TNKS: variants seen among roughly 807,000 people sequenced by gnomAD.
The protein encoded by TNKS is poly [ADP-ribose] polymerase tankyrase-1.
TNKS carries 72 observed loss-of-function variants against 135.8 expected under a neutral mutation model. That is an observed-to-expected ratio of 0.53 (90% CI 0.44 to 0.64). TNKS has a LOEUF of 0.64. Ranked by LOEUF, TNKS falls within the 30% of genes least tolerant of loss-of-function variation. TNKS has a pLI of 0.00. For missense variants in TNKS, 1,769 were observed against 1,674.0 expected, an observed-to-expected ratio of 1.06 and a Z score of -0.99; for synonymous variants, 849 against 649.3, an observed-to-expected ratio of 1.31 and a Z score of -4.68.
chr8:9,776,842 G>C lies in TNKS; in HGVS notation c.*106G>C. Reference sequence around the variant, plus strand: ...TATTCTAGAAGTCCCTGACAGCCTAGAAATAAGCTGTTTGTCTTCTATAAA... The same window carrying C: ...TATTCTAGAAGTCCCTGACAGCCTACAAATAAGCTGTTTGTCTTCTATAAA... On this transcript the variant is annotated 3_prime_UTR_variant, in exon 27 of 27. Coordinates refer to ENST00000310430, the MANE Select transcript of TNKS (RefSeq NM_003747.3). 1 of 1,074,930 alleles carries C rather than the reference G, an allele frequency of 9.3e-7. No individual in the cohort carries two copies. The highest frequency in any genetic ancestry group is 2.5e-5 in the East Asian group (1 of 39,986). The allele number at this position is 1,074,930 out of a possible 1,614,324, so 66.6% of individuals were successfully genotyped here.
chr8:9,575,335 TCGGCC>T, intron 1 of TNKS: 1 of 937,824 alleles, frequency 1.1e-6, no homozygotes, highest in Non-Finnish European at 1.3e-6. Flanking sequence ...TCCGCCTGCT[TCGGCC>T]TCCCTAAATT....
At chr8:9,719,141 A>G (rs1023890336) in intron 11 of TNKS, among the ~76,000 whole-genome samples, 5 of 152,180 alleles carry the variant, frequency 3.3e-5, no homozygotes, top group Non-Finnish European at 5.9e-5. Context: ...TCTTCTGGCA[A>G]ATGTGATAGA....
At chr8:9,718,086 A>T (rs1362141651) in intron 11 of TNKS, among the ~76,000 whole-genome samples, 1 of 152,156 alleles carries the variant, frequency 6.6e-6, no homozygotes, top group East Asian at 1.9e-4. Flanking sequence ...TGTATTGTCA[A>T]TTGGAGAGTT....
chr8:9,714,161 C>A (rs1804475406), intron 11 of TNKS, among the ~76,000 whole-genome samples: 1 of 152,138 alleles, frequency 6.6e-6, no homozygotes, highest in African/African-American at 2.4e-5. Flanking sequence ...GTAATACATA[C>A]AAACTTGAGG....
At chr8:9,647,343 T>C (rs977476517) in intron 3 of TNKS, among the ~76,000 whole-genome samples, 1 of 152,214 alleles carries the variant, frequency 6.6e-6, no homozygotes, top group Non-Finnish European at 1.5e-5. Context: ...CCTTTTTGTT[T>C]AGTTTGTTCA....
chr8:9,682,211 T>C (rs938801556), intron 5 of TNKS, among the ~76,000 whole-genome samples: 3 of 152,090 alleles, frequency 2.0e-5, no homozygotes, highest in Non-Finnish European at 4.4e-5. Context: ...ATGCAGCTGT[T>C]TTTTAGACAG....
intron 25 of TNKS, among the ~76,000 whole-genome samples, chr8:9,768,023 T>G (rs182616072): frequency 1.8e-3 from 268 of 151,888 alleles, no homozygotes; most frequent in African/African-American, 6.0e-3. Flanking sequence ...AAAGTATTTT[T>G]GGGTTTTTTT....
intron 3 of TNKS, among the ~76,000 whole-genome samples, chr8:9,617,205 T>C (rs1210723058): frequency 1.3e-5 from 2 of 152,216 alleles, no homozygotes; most frequent in South Asian, 2.1e-4. Context: ...GGAGATTATA[T>C]TGGATGTTGT....
At chr8:9,652,314 G>C (rs1344993638) in intron 3 of TNKS, among the ~76,000 whole-genome samples, 1 of 152,150 alleles carries the variant, frequency 6.6e-6, no homozygotes, top group Non-Finnish European at 1.5e-5. Flanking sequence ...TTTTGGTATA[G>C]AGGAGAAAGG....
At chr8:9,655,242 C>G (rs796460082) in intron 3 of TNKS, among the ~76,000 whole-genome samples, 1 of 152,180 alleles carries the variant, frequency 6.6e-6, no homozygotes, top group Admixed American at 6.5e-5. Flanking sequence ...CAAAGCAGCC[C>G]GGAAACTCGA....
intron 3 of TNKS, among the ~76,000 whole-genome samples, chr8:9,663,959 C>A (rs911157643): frequency 6.6e-6 from 1 of 152,124 alleles, no homozygotes; most frequent in Admixed American, 6.5e-5. Context: ...CATTCCCTCC[C>A]TGGAGATCAG....
chr8:9,630,732 C>T (rs1310811865), intron 3 of TNKS, among the ~76,000 whole-genome samples: 1 of 152,192 alleles, frequency 6.6e-6, no homozygotes, highest in African/African-American at 2.4e-5. Flanking sequence ...TTGCAGACTG[C>T]ATTCAGAATT....
chr8:9,597,231 T>C (rs1798822454), intron 2 of TNKS, among the ~76,000 whole-genome samples: 1 of 152,228 alleles, frequency 6.6e-6, no homozygotes, highest in Admixed American at 6.5e-5. Context: ...CATAAAATTT[T>C]TATGGGAAGT....
chr8:9,710,634 C>G (rs562414902), intron 11 of TNKS, among the ~76,000 whole-genome samples: 1 of 152,150 alleles, frequency 6.6e-6, no homozygotes, highest in Non-Finnish European at 1.5e-5. Context: ...CAGTGGCTCA[C>G]GCCTGTAATC....
chr8:9,634,764 C>G lies in TNKS; in HGVS notation c.994+19087C>G, dbSNP rs1800442456. 2.0e-5 allele frequency among the ~76,000 whole-genome samples: 3 copies of G among 152,234 alleles called. 1 individual carries two copies. The highest frequency in any genetic ancestry group is 3.9e-4 in the East Asian group (2 of 5,176). ...AGTGGAGCACACCTGCTTCCAAGAG[C>G]TTGGTTTCTACATGCCGTTTATTAA... On this transcript the variant is annotated intron_variant, in intron 3 of 26. Transcript: ENST00000310430.
intron 3 of TNKS, among the ~76,000 whole-genome samples, chr8:9,632,678 CT>C (rs1800338687): frequency 6.6e-6 from 1 of 152,118 alleles, no homozygotes; most frequent in African/African-American, 2.4e-5. Flanking sequence ...GAAACATTTG[CT>C]TGTTTTCTTT....
chr8:9,605,130 C>T (rs931967961), intron 2 of TNKS, among the ~76,000 whole-genome samples: 1 of 152,024 alleles, frequency 6.6e-6, no homozygotes, highest in African/African-American at 2.4e-5. Flanking sequence ...AATAATACAA[C>T]AGTTTTGTTT....
At chr8:9,716,660 C>G (rs1276313476) in intron 11 of TNKS, among the ~76,000 whole-genome samples, 1 of 152,026 alleles carries the variant, frequency 6.6e-6, no homozygotes, top group Non-Finnish European at 1.5e-5. Context: ...ATGTCTCTGC[C>G]TCCCTGCTTC....
intron 17 of TNKS, among the ~76,000 whole-genome samples, chr8:9,742,808 A>G (rs1806037247): frequency 6.7e-6 from 1 of 150,278 alleles, no homozygotes; most frequent in East Asian, 1.9e-4. Context: ...TTAAGGATAT[A>G]CATGTATATC....
Sources: gnomAD v4.1 joint callset for allele counts (sites outside exome capture counted in the v4.1 genomes callset) on GRCh38, gnomAD v4.1.1 for gene constraint, MANE v1.5 for transcripts, NCBI Gene and HGNC (gene_info 2026-07-23, HGNC 2026-07-21) for gene names.